Variants in ATG9A observed in about 807,000 individuals in gnomAD.
ATG9A encodes autophagy-related protein 9A.
ATG9A carries 21 observed loss-of-function variants against 87.1 expected under a neutral mutation model. The ratio of observed to expected loss-of-function variants is 0.24; its 90% confidence interval spans 0.17 to 0.35. The LOEUF is 0.35. Ranked by LOEUF, ATG9A falls within the 10% of genes least tolerant of loss-of-function variation. The pLI is 1.00. For synonymous variants in ATG9A, 422 were observed against 441.3 expected (o/e 0.96, Z 0.55); for missense variants, 836 against 1,107.3 (o/e 0.76, Z 3.48).
rs750258904 is a variant in ATG9A, at chr2:219,222,027, C to G, written c.2145+23G>C. 6.2e-7 allele frequency: 1 copy of G among 1,603,876 alleles called. No homozygotes were observed. Among genetic ancestry groups the G allele is most frequent in the African/African-American group, 1.3e-5 (1 of 74,808 alleles). ...CTTCTCCGCATCTAAACCCTCTACTCTCTTTTTTAGCTGTGCACTCACCTG... is the reference window on the plus strand; with the variant it reads ...CTTCTCCGCATCTAAACCCTCTACTGTCTTTTTTAGCTGTGCACTCACCTG... On this transcript the variant is annotated intron_variant, in intron 13 of 15. Coordinates refer to ENST00000361242, the MANE Select transcript of ATG9A (RefSeq NM_001077198.3). The surrounding 1 kb of genome is among the most constrained non-coding windows in gnomAD (Gnocchi z 4.3).
At position 219,224,445 on chromosome 2, in the gene ATG9A, A is replaced by G; in HGVS notation, c.926T>C (p.Ile309Thr). 6.2e-7 allele frequency: 1 copy of G among 1,614,054 alleles called. No homozygotes were observed. The highest frequency in any genetic ancestry group is 8.5e-7 in the Non-Finnish European group (1 of 1,179,974). ...LLCPLILIWQ[I>T]LYAFFSYAEV... ...AGCATAGCTGAAGAAGGCATAGAGG[A>G]TTTGCCATATGAGGATGAGGGGGCA... Residue 309 changes from isoleucine (I) to threonine (T), a missense_variant, in exon 8 of 16, where the codon ATC becomes ACC. Physicochemically the swap from Ile to Thr is moderately conservative, Grantham distance 89. Around this residue, in one of 2 missense-constraint regions of ATG9A, gnomAD observed 512 missense variants for 759.6 expected, o/e 0.67. Coordinates refer to ENST00000361242, the MANE Select transcript of ATG9A (RefSeq NM_001077198.3). This position sits in a 1 kb window ranked among gnomAD's most constrained non-coding sequence, Gnocchi z 7.7.
chr2:219,224,326 C>T lies in ATG9A; in HGVS notation c.1045G>A (p.Glu349Lys), dbSNP rs761352054. The T allele has an allele frequency of 9.9e-6, 16 of 1,613,686 alleles. No individual in the cohort carries two copies. Among genetic ancestry groups the T allele is most frequent in the East Asian group, 2.2e-5 (1 of 44,888 alleles). The change falls in exon 8 of 16, where the codon GAG (glutamate) becomes AAG (lysine). Residue 349 changes from glutamate to lysine, a missense_variant. Glu to Lys is a moderately conservative substitution (Grantham distance 56). Transcript: ENST00000361242. The surrounding 1 kb of genome is among the most constrained non-coding windows in gnomAD (Gnocchi z 7.7). ...YLRHFNELEH[E>K]LQSRLNRGYK... ...CCACGGTTGAGGCGGGACTGCAGCT[C>T]GTGCTCCAGCTCGTTGAAGTGGCGG...
Position 219,224,695 on chromosome 2 carries a change from A to T in ATG9A, c.676T>A (p.Ser226Thr), listed in dbSNP as rs80088251. 6.2e-6 allele frequency: 10 copies of T among 1,614,082 alleles called. No individual in the cohort carries two copies. Among genetic ancestry groups the T allele is most frequent in the Non-Finnish European group, 7.6e-6 (9 of 1,180,046 alleles). ...QNYMVALVNK[S>T]LLPLRFRLPG... Reference sequence around the variant, plus strand: ...AGGCGGAAGCGCAGAGGCAGGAGGGATTTGTTAACCAGTGCCACCATGTAG... The same window carrying T: ...AGGCGGAAGCGCAGAGGCAGGAGGGTTTTGTTAACCAGTGCCACCATGTAG... Residue 226 changes from serine (S) to threonine (T), a missense_variant, in exon 8 of 16, where the codon TCC (serine) becomes ACC (threonine). Around this residue, in one of 2 missense-constraint regions of ATG9A, gnomAD observed 512 missense variants for 759.6 expected, o/e 0.67. Transcript: ENST00000361242. This position sits in a 1 kb window ranked among gnomAD's most constrained non-coding sequence, Gnocchi z 7.7.
At position 219,224,777 on chromosome 2, in the gene ATG9A, G is replaced by A. The variant is rs1001936888; in HGVS notation, c.594C>T (p.Ile198=). 6 of 1,614,212 alleles carry A rather than the reference G, an allele frequency of 3.7e-6. No homozygotes were observed. The highest frequency in any genetic ancestry group is 1.1e-5 in the South Asian group (1 of 91,082). The part of the protein sequence containing the change: ...VQTQKEHQIC[I]HKRELTELDI... ...CCAGTTCTGTCAGCTCACGTTTGTG[G>A]ATGCAGATCTGGTGCTCCTTCTGCG... is the stretch of plus-strand genomic sequence containing the variant. The change falls in exon 8 of 16, where the codon ATC becomes ATT. Residue 198 remains isoleucine (I), a synonymous_variant. Coordinates refer to ENST00000361242, the MANE Select transcript of ATG9A (RefSeq NM_001077198.3). This position sits in a 1 kb window ranked among gnomAD's most constrained non-coding sequence, Gnocchi z 7.7.
At chr2:219,228,181 C>T in intron 2 of ATG9A, 128 bp from the exon 3 acceptor site, 1 of 639,406 alleles carries the variant, frequency 1.6e-6, no homozygotes, top group East Asian at 2.8e-5. Flanking sequence ...GGCTCAGAGG[C>T]AGAGGAGTAG....
At position 219,226,863 on chromosome 2, in the gene ATG9A, A is replaced by G. The variant is rs752681342; in HGVS notation, c.212+6T>C. On this transcript the variant is annotated splice_donor_region_variant and intron_variant, in intron 5 of 15. Transcript: ENST00000361242. ...CACCACATCATCTGTCCCTTCTTAT[A>G]CTTACATGAGCTCAAAGATCTCCCC... 1.9e-6 allele frequency: 3 copies of G among 1,609,008 alleles called. No individual in the cohort carries two copies. Among genetic ancestry groups the G allele is most frequent in the Non-Finnish European group, 1.7e-6 (2 of 1,175,282 alleles).
chr2:219,226,213 C>T (rs987886206), intron 5 of ATG9A, among the ~76,000 whole-genome samples: 1 of 152,046 alleles, frequency 6.6e-6, no homozygotes, highest in African/African-American at 2.4e-5. Flanking sequence ...CAGGTTGAAG[C>T]GATTCTTGTG....
At position 219,229,174 on chromosome 2, in the gene ATG9A, C is replaced by A. The variant is rs1034249906; in HGVS notation, c.-82+361G>T. The A allele has an allele frequency of 6.6e-6, 1 of 152,154 alleles. No homozygotes were observed. Among genetic ancestry groups the A allele is most frequent in the Non-Finnish European group, 1.5e-5 (1 of 68,032 alleles). The allele number at this position is 152,154 out of a possible 1,614,324, so 9.4% of individuals were successfully genotyped here. Reference sequence around the variant, plus strand: ...CCGGCTGGGCCTGGGCTCAGGGGTTCCTGCGGATGTTGCAGGGATCGAGTC... The same window carrying A: ...CCGGCTGGGCCTGGGCTCAGGGGTTACTGCGGATGTTGCAGGGATCGAGTC... On this transcript the variant is annotated intron_variant, in intron 1 of 15. Transcript: ENST00000361242. This position sits in a 1 kb window ranked among gnomAD's most constrained non-coding sequence, Gnocchi z 4.2.
At chr2:219,228,531 A>AT (rs1418416267) in intron 1 of ATG9A, 46 bp from the exon 2 acceptor site, 1 of 153,392 alleles carries the variant, frequency 6.5e-6, no homozygotes, top group African/African-American at 2.4e-5. Flanking sequence ...AGTGGGGATA[A>AT]AAAGGAACCC....
intron 2 of ATG9A, 97 bp downstream of exon 2, chr2:219,228,337 C>G: frequency 3.0e-6 from 1 of 334,690 alleles, no homozygotes. Flanking sequence ...ACAGAAGAGT[C>G]CCTCCCCCGC....
In ATG9A at chr2:219,222,252, C is replaced by G; in HGVS notation, c.2027+20G>C. 6.2e-7 allele frequency: 1 copy of G among 1,613,534 alleles called. No individual in the cohort carries two copies. Among genetic ancestry groups the G allele is most frequent in the South Asian group, 1.1e-5 (1 of 91,078 alleles). ...GCTGAGGGCTGCCGTGCCCTCCCAT[C>G]TTGGCCCCGATTTACTCACCCAGAG... On this transcript the variant is annotated intron_variant, in intron 12 of 15. Coordinates refer to ENST00000361242, the MANE Select transcript of ATG9A (RefSeq NM_001077198.3). This position sits in a 1 kb window ranked among gnomAD's most constrained non-coding sequence, Gnocchi z 4.3.
In ATG9A at chr2:219,222,939, G is replaced by GCCTTC. The variant is rs749540017; in HGVS notation, c.1600-51_1600-47dup. The GCCTTC allele has an allele frequency of 6.2e-7, 1 of 1,607,252 alleles. No individual in the cohort carries two copies. Among genetic ancestry groups the GCCTTC allele is most frequent in the Non-Finnish European group, 8.5e-7 (1 of 1,176,994 alleles). On this transcript the variant is annotated intron_variant, in intron 10 of 15. Transcript: ENST00000361242. The surrounding 1 kb of genome is among the most constrained non-coding windows in gnomAD (Gnocchi z 4.3). ...TAAGCAGGGCTGTTCTCTTCCAGGA[G>GCCTTC]CCTTCCTGCACCTTTCCTGTTAGTG...
Position 219,225,153 on chromosome 2 carries a change from T to A in ATG9A, c.434A>T (p.His145Leu), listed in dbSNP as rs183282366. ...GTTATAGATGAACTTGATAAGCCGGTGGATCCAGAAGACACCAGCAATGAC... is the reference window on the plus strand; with the variant it reads ...GTTATAGATGAACTTGATAAGCCGGAGGATCCAGAAGACACCAGCAATGAC... ...ILVIAGVFWI[H>L]RLIKFIYNIC... The change falls in exon 7 of 16, where the codon CAC becomes CTC. Residue 145 changes from histidine to leucine, a missense_variant. By Grantham distance (99) the His-to-Leu change is moderately conservative (BLOSUM62 -3). Coordinates refer to ENST00000361242, the MANE Select transcript of ATG9A (RefSeq NM_001077198.3). The A allele has an allele frequency of 7.4e-6, 12 of 1,614,132 alleles. No homozygotes were observed. In the Admixed American group the frequency reaches 1.3e-4, roughly 18 times the overall value.
At chr2:219,226,694 A>T (rs915887691) in intron 5 of ATG9A, among the ~76,000 whole-genome samples, 175 bp downstream of exon 5, 12 of 152,154 alleles carry the variant, frequency 7.9e-5, no homozygotes, top group Non-Finnish European at 4.4e-5. Flanking sequence ...CTCAAAAAAA[A>T]AGAAAGGTGA....
intron 4 of ATG9A, 49 bp from the exon 5 acceptor site, chr2:219,226,982 C>T (rs897538495): frequency 1.3e-6 from 2 of 1,503,960 alleles, no homozygotes; most frequent in African/African-American, 1.4e-5. Context: ...GGTAAGAGCA[C>T]AGACTTTGGT....
In ATG9A at chr2:219,223,087, CTTTTTTTTTT is replaced by C. The variant is rs34309756; in HGVS notation, c.1600-204_1600-195del. On this transcript the variant is annotated intron_variant, in intron 10 of 15. Transcript: ENST00000361242. This position sits in a 1 kb window ranked among gnomAD's most constrained non-coding sequence, Gnocchi z 4.7. The stretch of plus-strand genomic sequence containing the variant: ...GCTGAGCCAGTTACTTGTGTTGTGC[CTTTTTTTTTT>C]TTTTTTTTGAGATGGAGTCTCGCTC... Among the ~76,000 whole-genome samples the C allele has an allele frequency of 7.4e-6, 1 of 134,870 alleles. No homozygotes were observed. Among genetic ancestry groups the C allele is most frequent in the African/African-American group, 2.8e-5 (1 of 35,754 alleles). 88.5% of individuals were successfully genotyped at this position (134,870 alleles called of 152,430 possible). A position where few individuals can be genotyped will look rare whatever the true frequency, so the allele number is the denominator to read the frequency against.
At position 219,220,468 on chromosome 2, in the gene ATG9A, G is replaced by A. The variant is rs1430178076; in HGVS notation, c.2515-16C>T. On this transcript the variant is annotated splice_polypyrimidine_tract_variant and intron_variant, in intron 15 of 15. Transcript: ENST00000361242. Reference sequence around the variant, plus strand: ...TTGTCTATACCTGTGGGGAGAAAGGGTTGGTAATGGAGATAGTCTTCAGCT... The same window carrying A: ...TTGTCTATACCTGTGGGGAGAAAGGATTGGTAATGGAGATAGTCTTCAGCT... 5.0e-6 allele frequency: 8 copies of A among 1,613,608 alleles called. No homozygotes were observed. The highest frequency in any genetic ancestry group is 3.3e-5 in the Admixed American group (2 of 59,988).
Position 219,220,779 on chromosome 2 carries a change from A to G in ATG9A, c.2482T>C (p.Ser828Pro). 6.2e-7 allele frequency: 1 copy of G among 1,613,466 alleles called. No individual in the cohort carries two copies. The highest frequency in any genetic ancestry group is 8.5e-7 in the Non-Finnish European group (1 of 1,179,960). The change falls in exon 15 of 16, where the codon TCG becomes CCG. Residue 828 changes from serine to proline, a missense_variant. Transcript: ENST00000361242. ...ACCTGAGGGGGTAGCTCATCCTCCG[A>G]GCCCTCTTCGGGCACGGGCTCAGGG... ...RHPEPVPEEG[S>P]EDELPPQVHK... is the part of the protein sequence containing the mutation.
At position 219,228,037 on chromosome 2, in the gene ATG9A, C is replaced by T; in HGVS notation, c.-13G>A. ...CAAACTGCGCCATCACCACCGCCCC[C>T]TGTCCACCTTGACCACCTGCCAATA... On this transcript the variant is annotated 5_prime_UTR_variant, in exon 3 of 16. Transcript: ENST00000361242. 6.2e-7 allele frequency: 1 copy of T among 1,608,180 alleles called. No individual in the cohort carries two copies. Among genetic ancestry groups the T allele is most frequent in the Non-Finnish European group, 8.5e-7 (1 of 1,175,854 alleles).
Sources: gnomAD v4.1 joint callset for allele counts (sites outside exome capture counted in the v4.1 genomes callset) on GRCh38, gnomAD v4.1.1 for gene constraint, gnomAD v4.1.1 regional missense constraint, Gnocchi (gnomAD v3.1) non-coding constraint, MANE v1.5 for transcripts, NCBI Gene and HGNC (gene_info 2026-07-23, HGNC 2026-07-21) for gene names.